DIP2C: variants seen among roughly 807,000 people sequenced by gnomAD.
The protein encoded by DIP2C is DIP2 acetate--CoA ligase C (putative).
Under a neutral mutation model 192.4 loss-of-function variants are expected in DIP2C, and 33 were observed. That is an observed-to-expected ratio of 0.17 (90% CI 0.13 to 0.23). The LOEUF (loss-of-function observed/expected upper bound fraction) is 0.23. Ranked by LOEUF, DIP2C falls within the 10% of genes least tolerant of loss-of-function variation. The pLI is 1.00. For missense variants in DIP2C, 1,537 were observed against 2,110.1 expected, an observed-to-expected ratio of 0.73 and a Z score of 5.32; for synonymous variants, 979 against 864.1, an observed-to-expected ratio of 1.13 and a Z score of -2.33.
rs1321229184 is a variant in DIP2C at position 584,024 on chromosome 10, G to GT, written c.86-97495dup. 2.0e-5 allele frequency among the ~76,000 whole-genome samples: 3 copies of GT among 152,136 alleles called. No homozygotes were observed. The East Asian group carries it at 5.8e-4, about 29-fold the overall frequency. On this transcript the variant is annotated intron_variant, in intron 1 of 36. Coordinates refer to ENST00000280886, the MANE Select transcript of DIP2C (RefSeq NM_014974.3). Reference sequence around the variant, plus strand: ...CGTCTTTGTGACCTCACTGACCTCTGTCCCTTGGTGTCTGTCCTATGGAGG... The same window carrying GT: ...CGTCTTTGTGACCTCACTGACCTCTGTTCCCTTGGTGTCTGTCCTATGGAGG...
At chr10:290,224 C>T (rs1394778300) in intron 32 of DIP2C, among the ~76,000 whole-genome samples, 2 of 152,238 alleles carry the variant, frequency 1.3e-5, no homozygotes, top group Non-Finnish European at 2.9e-5. Context: ...TTGATGCCAA[C>T]AGCTGATGAG....
intron 3 of DIP2C, among the ~76,000 whole-genome samples, chr10:468,033 C>T (rs1033091084): frequency 2.6e-5 from 4 of 152,140 alleles, no homozygotes; most frequent in Admixed American, 1.3e-4. Context: ...TCACAGACCT[C>T]GAGCTGCCAA....
At chr10:483,578 T>G (rs1843773226) in intron 2 of DIP2C, among the ~76,000 whole-genome samples, 1 of 152,220 alleles carries the variant, frequency 6.6e-6, no homozygotes, top group Non-Finnish European at 1.5e-5. Flanking sequence ...CCTGTTTTCC[T>G]CACGTTTCCG....
intron 17 of DIP2C, among the ~76,000 whole-genome samples, chr10:380,014 A>G (rs1302383670): frequency 2.0e-5 from 3 of 152,014 alleles, no homozygotes; most frequent in African/African-American, 7.3e-5. Flanking sequence ...TCCCTGGATG[A>G]TGGTTAACGC....
intron 1 of DIP2C, among the ~76,000 whole-genome samples, chr10:539,971 T>A (rs184017771): frequency 5.3e-5 from 8 of 152,268 alleles, no homozygotes; most frequent in African/African-American, 1.9e-4. Context: ...AAAAACAAGA[T>A]GATCAAAAAA....
At position 579,756 on chromosome 10, in the gene DIP2C, T is replaced by C. The variant is rs148842105; in HGVS notation, c.86-93226A>G. Among the ~76,000 whole-genome samples the C allele has an allele frequency of 1.6e-3, 251 of 152,222 alleles. 1 individual carries two copies. Among genetic ancestry groups the C allele is most frequent in the African/African-American group, 5.6e-3 (231 of 41,530 alleles). ...GCATACATAGGTACACTATAATGTA[T>C]GTACATGCAGAGCATACACATCCAT... On this transcript the variant is annotated intron_variant, in intron 1 of 36. Transcript: ENST00000280886.
chr10:422,906 G>A lies in DIP2C; in HGVS notation c.522C>T (p.Ser174=), dbSNP rs776122691. The A allele has an allele frequency of 4.3e-6, 7 of 1,613,880 alleles. No individual in the cohort carries two copies. The Admixed American group carries it at 5.0e-5, about 12-fold the overall frequency. Residue 174 remains serine (S), a synonymous_variant, in exon 5 of 37, where the codon TCC becomes TCT. Transcript: ENST00000280886. ...ISQAIHGSTT[S]TTSSSSTQSG... ...TCTGCGTAGAGGACGAGGAGGTGGT[G>A]GACGTGGTGGAGCCGTGGATGGCCT... is the stretch of plus-strand genomic sequence containing the variant.
rs184339207 is a variant in DIP2C at position 326,041 on chromosome 10, C to T, written c.3924+965G>A. Among the ~76,000 whole-genome samples the T allele has an allele frequency of 5.6e-3, 847 of 151,944 alleles. 7 individuals carry two copies. The highest frequency in any genetic ancestry group is 9.1e-3 in the Non-Finnish European group (620 of 67,960). ...ACAAAAAATTTAAAAATTAGCCAGG[C>T]GTGGTGGTGTGCACCTGTAGTCCCA... On this transcript the variant is annotated intron_variant, in intron 31 of 36. Coordinates refer to ENST00000280886, the MANE Select transcript of DIP2C (RefSeq NM_014974.3).
chr10:487,200 G>A (rs1844076726), intron 1 of DIP2C, among the ~76,000 whole-genome samples: 1 of 152,204 alleles, frequency 6.6e-6, no homozygotes, highest in Non-Finnish European at 1.5e-5. Context: ...TCGACACACA[G>A]AGGCCCTTCC....
intron 2 of DIP2C, among the ~76,000 whole-genome samples, chr10:481,284 T>A (rs572820669): frequency 6.6e-6 from 1 of 152,314 alleles, no homozygotes; most frequent in African/African-American, 2.4e-5. Flanking sequence ...TTAAGAAACT[T>A]TCTCATTCCG....
chr10:425,688 G>A (rs1257854463), intron 4 of DIP2C, among the ~76,000 whole-genome samples: 1 of 152,240 alleles, frequency 6.6e-6, no homozygotes, highest in African/African-American at 2.4e-5. Flanking sequence ...ATGACCAGCG[G>A]TGACTAGAAG....
intron 29 of DIP2C, chr10:340,799 A>T: frequency 6.5e-6 from 3 of 458,716 alleles, no homozygotes; most frequent in Non-Finnish European, 1.3e-5. Context: ...GCCCAGCCTA[A>T]GCCCCGCAGT....
At chr10:542,834 T>TCCC (rs542926769) in intron 1 of DIP2C, among the ~76,000 whole-genome samples, 1 of 139,842 alleles carries the variant, frequency 7.2e-6, no homozygotes, top group Non-Finnish European at 1.5e-5. Context: ...GTTCTGACCC[T>TCCC]CCCCCCTTCT....
At position 461,476 on chromosome 10, in the gene DIP2C, G is replaced by C. The variant is rs144549904; in HGVS notation, c.268+10963C>G. On this transcript the variant is annotated intron_variant, in intron 3 of 36. Transcript: ENST00000280886. The stretch of plus-strand genomic sequence containing the variant: ...AATGGCAAAGGGATCAATACAACAA[G>C]AAGGGCCAACTATCCTAAATATATA... Among the ~76,000 whole-genome samples, 88 of 152,116 alleles carry C rather than the reference G, an allele frequency of 5.8e-4. 2 individuals are homozygous for C. The East Asian group carries it at 0.016, about 28-fold the overall frequency.
intron 3 of DIP2C, among the ~76,000 whole-genome samples, chr10:449,920 C>CAAAAAAAAAAAAAAAAAAAAAAAA (rs59135780): frequency 2.2e-5 from 3 of 135,912 alleles, no homozygotes; most frequent in African/African-American, 6.0e-5. Context: ...TCAACAACAA[C>CAAAAAAAAAAAAAAAAAAAAAAAA]AAAAAAAAAA....
chr10:414,040 C>T lies in DIP2C; in HGVS notation c.930G>A (p.Leu310=). Residue 310 remains leucine (L), a synonymous_variant, in exon 8 of 37, where the codon CTG becomes CTA. Coordinates refer to ENST00000280886, the MANE Select transcript of DIP2C (RefSeq NM_014974.3). ...ACGGCGGCCAGTTCGTGACCACGCC[C>T]AGCTGCTCTCCGCGCATGGCCAGCA... The part of the protein sequence containing the change: ...AQMLAMRGEQ[L]GVVTNWPPSL... The T allele has an allele frequency of 6.2e-7, 1 of 1,614,098 alleles. No homozygotes were observed. Among genetic ancestry groups the T allele is most frequent in the Non-Finnish European group, 8.5e-7 (1 of 1,179,972 alleles).
intron 3 of DIP2C, among the ~76,000 whole-genome samples, chr10:448,235 TCA>T (rs1968469178): frequency 7.9e-6 from 1 of 126,520 alleles, no homozygotes; most frequent in Non-Finnish European, 1.5e-5. Context: ...ATAATCAGGA[TCA>T]CACACAGTGG....
chr10:678,897 A>G lies in DIP2C; in HGVS notation c.85+10597T>C, dbSNP rs1430851850. Among the ~76,000 whole-genome samples, 15 of 1,752 alleles carry G rather than the reference A, an allele frequency of 8.6e-3. 4 individuals are homozygous for G. The highest frequency in any genetic ancestry group is 0.021 in the Non-Finnish European group (9 of 432). The allele number at this position is 1,752 out of a possible 152,430, so 1.1% of individuals were successfully genotyped here. On this transcript the variant is annotated intron_variant, in intron 1 of 36. Coordinates refer to ENST00000280886, the MANE Select transcript of DIP2C (RefSeq NM_014974.3). ...TGCTCCCCGCACCCATCCTCCCCCC[A>G]CCCATGCTCCCCGCGCCCATGCTCC...
chr10:577,824 T>G (rs558871164), intron 1 of DIP2C, among the ~76,000 whole-genome samples: 14 of 99,694 alleles, frequency 1.4e-4, no homozygotes, highest in South Asian at 1.1e-3. Context: ...TTTTTTTGTG[T>G]TTTTTTTTTT....
Sources: gnomAD v4.1 joint callset for allele counts (sites outside exome capture counted in the v4.1 genomes callset) on GRCh38, gnomAD v4.1.1 for gene constraint, MANE v1.5 for transcripts, NCBI Gene and HGNC (gene_info 2026-07-23, HGNC 2026-07-21) for gene names.